Variants in GALNT9 observed in about 807,000 individuals in gnomAD.
GALNT9 encodes the protein polypeptide N-acetylgalactosaminyltransferase 9.
Under a neutral mutation model 63.1 loss-of-function variants are expected in GALNT9, and 47 were observed. That is an observed-to-expected ratio of 0.75 (90% CI 0.59 to 0.95). GALNT9 has a LOEUF of 0.95. Ranked by LOEUF, GALNT9 falls within the 40% of genes least tolerant of loss-of-function variation. GALNT9 has a pLI of 0.00. For missense variants in GALNT9, 829 were observed against 874.8 expected (o/e 0.95, Z 0.66); for synonymous variants, 396 against 365.7 (o/e 1.08, Z -0.94).
chr12:132,281,208 G>T (rs1295315207), intron 2 of GALNT9, among the ~76,000 whole-genome samples: 2 of 152,246 alleles, frequency 1.3e-5, no homozygotes, highest in Admixed American at 6.5e-5. Flanking sequence ...GTCCACCGGG[G>T]TCTGCGTTCT....
In GALNT9 at chr12:132,260,869, C is replaced by A. The variant is rs1418857767; in HGVS notation, c.761+79G>T. Reference sequence around the variant, plus strand: ...CGGGGCCAACCCAGCGGCCAGGCTGCAGCCGCACGGCGGCTTAGGAGGGGG... The same window carrying A: ...CGGGGCCAACCCAGCGGCCAGGCTGAAGCCGCACGGCGGCTTAGGAGGGGG... On this transcript the variant is annotated intron_variant, in intron 4 of 10. Coordinates refer to ENST00000328957, the MANE Select transcript of GALNT9 (RefSeq NM_001122636.2). 8 of 1,437,314 alleles carry A rather than the reference C, an allele frequency of 5.6e-6. No homozygotes were observed. In the Admixed American group the frequency reaches 2.1e-4, roughly 38 times the overall value. 89.0% of individuals were successfully genotyped at this position (1,437,314 alleles called of 1,614,324 possible).
Position 132,203,650 on chromosome 12 carries a change from G to A in GALNT9, c.1118C>T (p.Ser373Phe). The change falls in exon 7 of 11, where the codon TCC (serine) becomes TTC (phenylalanine). Residue 373 changes from serine (S) to phenylalanine (F), a missense_variant. Ser to Phe is a radical substitution (Grantham distance 155). Transcript: ENST00000328957. ...GGTGCGCTCGATGTGGGCCACGCGGGAGCAGGGCAGCACCTCCATGCTGCC... is the reference window on the plus strand; with the variant it reads ...GGTGCGCTCGATGTGGGCCACGCGGAAGCAGGGCAGCACCTCCATGCTGCC... Reference protein sequence around the residue: ...CGGSMEVLPCSRVAHIERTRK... With the variant: ...CGGSMEVLPCFRVAHIERTRK... 6.2e-7 allele frequency: 1 copy of A among 1,613,636 alleles called. No individual in the cohort carries two copies. Among genetic ancestry groups the A allele is most frequent in the Non-Finnish European group, 8.5e-7 (1 of 1,179,816 alleles).
chr12:132,227,451 C>T (rs1455365743), intron 6 of GALNT9, among the ~76,000 whole-genome samples: 2 of 152,190 alleles, frequency 1.3e-5, no homozygotes, highest in South Asian at 2.1e-4. Context: ...CCCAGGCACA[C>T]GCACGCACCA....
intron 7 of GALNT9, among the ~76,000 whole-genome samples, chr12:132,201,703 CCTGGCA>C (rs1262370548): frequency 1.3e-5 from 2 of 152,348 alleles, no homozygotes. Flanking sequence ...GCTGGCCCCG[CCTGGCA>C]CGTGTTGTCA....
chr12:132,293,939 A>G (rs1363472649), intron 1 of GALNT9, among the ~76,000 whole-genome samples: 1 of 152,266 alleles, frequency 6.6e-6, no homozygotes, highest in Non-Finnish European at 1.5e-5. Flanking sequence ...CGGAGCTGGA[A>G]CGAGAAGTGG....
At chr12:132,313,455 AC>A in intron 1 of GALNT9, among the ~76,000 whole-genome samples, 1 of 135,050 alleles carries the variant, frequency 7.4e-6, no homozygotes, top group East Asian at 2.3e-4. Flanking sequence ...CCATCCATCC[AC>A]TCACCCACCC....
At chr12:132,300,544 C>A (rs1881254587) in intron 1 of GALNT9, among the ~76,000 whole-genome samples, 1 of 139,760 alleles carries the variant, frequency 7.2e-6, no homozygotes, top group Non-Finnish European at 1.5e-5. Flanking sequence ...TAACTCACTC[C>A]CATAACTCAC....
intron 1 of GALNT9, among the ~76,000 whole-genome samples, chr12:132,306,598 G>A (rs1009127660): frequency 2.6e-5 from 4 of 152,216 alleles, no homozygotes; most frequent in South Asian, 2.1e-4. Flanking sequence ...CACCTGCCCC[G>A]GCATTGCTGA....
At chr12:132,256,967 T>TCA (rs1407900107) in intron 5 of GALNT9, among the ~76,000 whole-genome samples, 1 of 152,200 alleles carries the variant, frequency 6.6e-6, no homozygotes, top group East Asian at 1.9e-4. Context: ...TCTGTTCATG[T>TCA]CGCGCCCTGT....
intron 6 of GALNT9, among the ~76,000 whole-genome samples, chr12:132,227,022 C>T (rs1877721019): frequency 1.3e-5 from 2 of 151,294 alleles, no homozygotes; most frequent in Admixed American, 6.6e-5. Flanking sequence ...TACATACACC[C>T]CATACACACA....
chr12:132,303,414 C>T lies in GALNT9; in HGVS notation c.239-16984G>A, dbSNP rs61945666. On this transcript the variant is annotated intron_variant, in intron 1 of 10. Transcript: ENST00000328957. ...AGCCTCGCCCGGGCACACCCTCACC[C>T]GGGCACAGCCTCGCCCGGGCACACC... Among the ~76,000 whole-genome samples the T allele has an allele frequency of 5.4e-3, 494 of 92,062 alleles. 34 individuals carry two copies. The highest frequency in any genetic ancestry group is 0.013 in the Admixed American group (114 of 8,876). 60.4% of individuals were successfully genotyped at this position (92,062 alleles called of 152,430 possible).
chr12:132,204,311 C>T (rs1242992145), intron 6 of GALNT9, among the ~76,000 whole-genome samples: 1 of 152,204 alleles, frequency 6.6e-6, no homozygotes, highest in Non-Finnish European at 1.5e-5. Context: ...TGCTCTTTCA[C>T]TCCGGTTTGT....
intron 6 of GALNT9, among the ~76,000 whole-genome samples, chr12:132,226,262 G>A (rs1360888521): frequency 2.2e-5 from 2 of 90,172 alleles, no homozygotes; most frequent in Middle Eastern, 0.013. Flanking sequence ...CCCCACACAC[G>A]GTACATACAC....
intron 2 of GALNT9, chr12:132,275,650 T>G (rs1409977404): frequency 1.3e-5 from 2 of 152,308 alleles, no homozygotes; most frequent in Non-Finnish European, 2.9e-5. Flanking sequence ...TTCTGTCACT[T>G]GCTGTTGAAG....
intron 6 of GALNT9, among the ~76,000 whole-genome samples, chr12:132,225,043 CCACACACTACATACACACCACCCCCCCA>C (rs1877597407): frequency 7.3e-6 from 1 of 136,948 alleles, no homozygotes. Context: ...AACCCACACC[CCACACACTACATACACACCACCCCCCCA>C]CACACAACCC....
chr12:132,297,628 T>A (rs1206826891), intron 1 of GALNT9, among the ~76,000 whole-genome samples: 3 of 150,000 alleles, frequency 2.0e-5, no homozygotes, highest in Admixed American at 6.6e-5. Flanking sequence ...ACTTCTGAGA[T>A]GACTGAGTCT....
Position 132,246,129 on chromosome 12 carries a change from C to T in GALNT9, c.1077+1781G>A, listed in dbSNP as rs1426234858. On this transcript the variant is annotated intron_variant, in intron 6 of 10. Transcript: ENST00000328957. The surrounding 1 kb of genome is among the most constrained non-coding windows in gnomAD (Gnocchi z 4.7). ...AGAGAAGCCGACACCCGCGTGGGTG[C>T]GTTCAATCCACGGCCGACCCGCCAA... 6.6e-6 allele frequency among the ~76,000 whole-genome samples: 1 copy of T among 152,240 alleles called. No individual in the cohort carries two copies.
chr12:132,272,292 G>C (rs185043318), intron 2 of GALNT9, among the ~76,000 whole-genome samples: 1 of 152,228 alleles, frequency 6.6e-6, no homozygotes, highest in Admixed American at 6.5e-5. Context: ...GGTGCGGGGC[G>C]GGACAGGGTC....
At chr12:132,201,363 G>A in intron 7 of GALNT9, 102 bp from the exon 8 acceptor site, 1 of 714,314 alleles carries the variant, frequency 1.4e-6, no homozygotes, top group Non-Finnish European at 2.4e-6. Flanking sequence ...TGCCCTCACA[G>A]GAGCAGCCTC....
Sources: gnomAD v4.1 joint callset for allele counts (sites outside exome capture counted in the v4.1 genomes callset) on GRCh38, gnomAD v4.1.1 for gene constraint, Gnocchi (gnomAD v3.1) non-coding constraint, MANE v1.5 for transcripts, NCBI Gene and HGNC (gene_info 2026-07-23, HGNC 2026-07-21) for gene names.